The following ZNF425 variants were observed in gnomAD, a reference collection of about 807,000 sequenced individuals.
The protein encoded by ZNF425 is zinc finger protein 425.
ZNF425 carries 21 observed loss-of-function variants against 17.0 expected under a neutral mutation model. That is an observed-to-expected ratio of 1.23 (90% CI 0.88 to 1.78). The LOEUF is 1.78. Among genes scored for constraint, ZNF425 ranks in the 40% most tolerant of loss-of-function variants. The probability of loss-of-function intolerance (pLI) is 0.00; values close to 1 mark genes in which losing one functional copy is unlikely to be tolerated. For missense variants in ZNF425, 868 were observed against 967.3 expected (o/e 0.90, Z 1.36); for synonymous variants, 433 against 384.1 (o/e 1.13, Z -1.49).
chr7:149,103,966 T>A lies in ZNF425; in HGVS notation c.1905A>T (p.Gln635His), dbSNP rs772983550. 6.2e-7 allele frequency: 1 copy of A among 1,614,082 alleles called. No homozygotes were observed. The highest frequency in any genetic ancestry group is 1.1e-5 in the South Asian group (1 of 91,078). Residue 635 changes from glutamine to histidine, a missense_variant, in exon 4 of 4, where the codon CAA becomes CAT. Coordinates refer to ENST00000378061, the MANE Select transcript of ZNF425 (RefSeq NM_001001661.3). ...CGCACATCACACAAGAGAATGGCTT[T>A]TGGCCACTGTGCTGCAGCAGGTGGC... ...LKSHLLQHSGQKPFSCVMCGK... is the reference protein window; with the variant it reads ...LKSHLLQHSGHKPFSCVMCGK...
chr7:149,124,565 G>C (rs974446056), intron 1 of ZNF425, among the ~76,000 whole-genome samples: 8 of 150,784 alleles, frequency 5.3e-5, no homozygotes, highest in Non-Finnish European at 1.0e-4. Context: ...TTTTGAGACG[G>C]AGTTTCGCTC....
rs1276112851 is a variant in ZNF425, at chr7:149,118,288, C to A, written c.79G>T (p.Glu27Ter). The change falls in exon 2 of 4, where the codon GAG becomes TAG. Residue 27 changes from glutamate to a stop codon, truncating the protein, a stop_gained. Transcript: ENST00000378061. LOFTEE classifies it high-confidence loss of function. ...TTATACATTTGCTTCTGCCACTTCT[C>A]CAGGATCTCCCACTCTTGTTCCGAA... ...YFSEQEWEIL[E>*]KWQKQMYKQE... is the part of the protein sequence containing the mutation. The A allele has an allele frequency of 6.2e-7, 1 of 1,614,116 alleles. No homozygotes were observed. Among genetic ancestry groups the A allele is most frequent in the East Asian group, 2.2e-5 (1 of 44,876 alleles).
chr7:149,103,493 C>G lies in ZNF425; in HGVS notation c.*119G>C. 1 of 1,309,756 alleles carries G rather than the reference C, an allele frequency of 7.6e-7. No individual in the cohort carries two copies. Among genetic ancestry groups the G allele is most frequent in the Non-Finnish European group, 1.0e-6 (1 of 981,232 alleles). 81.1% of individuals were successfully genotyped at this position (1,309,756 alleles called of 1,614,324 possible). ...TGGGCCTCCCAAAGTAATGGGATTA[C>G]AGGCGGGAGCCACTGTGCCCGATCT... On this transcript the variant is annotated 3_prime_UTR_variant, in exon 4 of 4. Transcript: ENST00000378061.
intron 3 of ZNF425, among the ~76,000 whole-genome samples, chr7:149,109,991 C>T (rs1275335495): frequency 6.6e-6 from 1 of 151,672 alleles, no homozygotes; most frequent in Admixed American, 6.6e-5. Context: ...ATTCCCCTGC[C>T]TCCGCCTCCT....
chr7:149,111,660 C>T (rs1317693812), intron 3 of ZNF425, among the ~76,000 whole-genome samples: 1 of 132,794 alleles, frequency 7.5e-6, no homozygotes, highest in African/African-American at 2.9e-5. Context: ...GAGAGTAATA[C>T]ATAATACAGT....
intron 1 of ZNF425, among the ~76,000 whole-genome samples, chr7:149,124,015 T>C (rs1826407664): frequency 6.7e-6 from 1 of 149,436 alleles, no homozygotes; most frequent in African/African-American, 2.5e-5. Context: ...ACCCGGCTAA[T>C]TTTTTGTCTT....
chr7:149,110,957 G>A (rs1213317633), intron 3 of ZNF425, among the ~76,000 whole-genome samples: 1 of 151,612 alleles, frequency 6.6e-6, no homozygotes, highest in African/African-American at 2.4e-5. Flanking sequence ...AACACCCCCG[G>A]CTAATTTTTG....
In ZNF425 at chr7:149,104,266, G is replaced by A; in HGVS notation, c.1605C>T (p.Phe535=). ...PFSCAECGRS[F]RRRAHLTEHT... ...GCTCTGTGAGATGCGCGCGTCGGCG[G>A]AAACTGCGGCCGCACTCGGCGCAGG... The change falls in exon 4 of 4, where the codon TTC becomes TTT. Residue 535 remains phenylalanine (F), a synonymous_variant. Coordinates refer to ENST00000378061, the MANE Select transcript of ZNF425 (RefSeq NM_001001661.3). The surrounding 1 kb of genome is among the most constrained non-coding windows in gnomAD (Gnocchi z 4.3). The A allele has an allele frequency of 6.2e-7, 1 of 1,613,646 alleles. No homozygotes were observed.
At chr7:149,110,355 C>T (rs1826154280) in intron 3 of ZNF425, among the ~76,000 whole-genome samples, 1 of 151,374 alleles carries the variant, frequency 6.6e-6, no homozygotes. Flanking sequence ...CACCTGAGGT[C>T]AGGAGTTCGA....
At chr7:149,105,808 G>A (rs1226019409) in intron 3 of ZNF425, among the ~76,000 whole-genome samples, 2 of 151,778 alleles carry the variant, frequency 1.3e-5, no homozygotes, top group Non-Finnish European at 2.9e-5. Context: ...CCGCCACCAC[G>A]CCCGGCTAAT....
intron 3 of ZNF425, among the ~76,000 whole-genome samples, chr7:149,107,332 TA>T (rs1236677543): frequency 2.4e-4 from 33 of 139,538 alleles, no homozygotes; most frequent in South Asian, 6.6e-4. Flanking sequence ...TTTATTTATT[TA>T]TTTATTTATT....
chr7:149,102,871 A>T lies in ZNF425; in HGVS notation c.*741T>A, dbSNP rs913237778. On this transcript the variant is annotated 3_prime_UTR_variant, in exon 4 of 4. Coordinates refer to ENST00000378061, the MANE Select transcript of ZNF425 (RefSeq NM_001001661.3). ...AGAAGCCCTCTCACCATCTGAGAGA[A>T]AATGAAAATCCACTATGAGAGAAAA... 5 of 152,206 alleles carry T rather than the reference A, an allele frequency of 3.3e-5. No homozygotes were observed. Among genetic ancestry groups the T allele is most frequent in the African/African-American group, 1.2e-4 (5 of 41,464 alleles). The allele number at this position is 152,206 out of a possible 1,614,324, so 9.4% of individuals were successfully genotyped here. A position where few individuals can be genotyped will look rare whatever the true frequency, so the allele number is the denominator to read the frequency against.
rs1185669531 is a variant in ZNF425, at chr7:149,126,243, G to A, written c.-30C>T. On this transcript the variant is annotated 5_prime_UTR_variant, in exon 1 of 4. Transcript: ENST00000378061. The stretch of plus-strand genomic sequence containing the variant: ...GTTCCGCACGAACCGGCCCTGCCTG[G>A]CACGGCCTCCCCTCCGCTCCGCCCC... The A allele has an allele frequency of 6.2e-7, 1 of 1,608,230 alleles. No individual in the cohort carries two copies. Among genetic ancestry groups the A allele is most frequent in the Non-Finnish European group, 8.5e-7 (1 of 1,177,864 alleles).
rs548837466 is a variant in ZNF425, at chr7:149,124,080, C to T, written c.18+2116G>A. Among the ~76,000 whole-genome samples the T allele has an allele frequency of 2.3e-4, 35 of 151,004 alleles. No homozygotes were observed. The Middle Eastern group carries it at 0.014, about 60-fold the overall frequency. ...GCCAGGATGGTCTTGATCTCCTGAC[C>T]TCGTGATCCGCCCGGCTCGGCCTCC... On this transcript the variant is annotated intron_variant, in intron 1 of 3. Coordinates refer to ENST00000378061, the MANE Select transcript of ZNF425 (RefSeq NM_001001661.3).
At position 149,126,283 on chromosome 7, in the gene ZNF425, G is replaced by T; in HGVS notation, c.-70C>A. ...CGCTCCGCCCCAACCCAACTCCCAG[G>T]TACAGCCCTGCTGGCCCCCAAAGGC... On this transcript the variant is annotated 5_prime_UTR_variant, in exon 1 of 4. Coordinates refer to ENST00000378061, the MANE Select transcript of ZNF425 (RefSeq NM_001001661.3). 2 of 1,568,458 alleles carry T rather than the reference G, an allele frequency of 1.3e-6. No individual in the cohort carries two copies. Among genetic ancestry groups the T allele is most frequent in the Non-Finnish European group, 1.7e-6 (2 of 1,157,514 alleles).
At chr7:149,106,517 T>G (rs1292145626) in intron 3 of ZNF425, among the ~76,000 whole-genome samples, 2 of 152,064 alleles carry the variant, frequency 1.3e-5, no homozygotes, top group Non-Finnish European at 2.9e-5. Flanking sequence ...ATTACAGGCA[T>G]GAGCCACCGT....
intron 1 of ZNF425, among the ~76,000 whole-genome samples, chr7:149,119,013 G>A (rs1826309637): frequency 6.6e-6 from 1 of 152,006 alleles, no homozygotes; most frequent in African/African-American, 2.4e-5. Flanking sequence ...TGTAAAAACA[G>A]CACAGAAGGC....
chr7:149,109,575 A>G (rs901397763), intron 3 of ZNF425, among the ~76,000 whole-genome samples: 2 of 152,100 alleles, frequency 1.3e-5, no homozygotes, highest in Non-Finnish European at 1.5e-5. Flanking sequence ...ATAGCACAGA[A>G]TTAGGGATTA....
chr7:149,111,090 C>T (rs555927819), intron 3 of ZNF425, among the ~76,000 whole-genome samples: 2 of 151,982 alleles, frequency 1.3e-5, no homozygotes, highest in South Asian at 2.1e-4. Context: ...CCATCACGCC[C>T]GGCCATCCCT....
Sources: allele counts gnomAD v4.1 joint callset (sites outside exome capture counted in the v4.1 genomes callset), GRCh38; gene constraint gnomAD v4.1.1; non-coding constraint Gnocchi (gnomAD v3.1); transcripts MANE v1.5; gene names NCBI Gene and HGNC (gene_info 2026-07-23, HGNC 2026-07-21).